Variants in CSMD1 observed in about 807,000 individuals in gnomAD.
CSMD1 encodes the protein CUB and Sushi multiple domains 1, also known as CUB and sushi domain-containing protein 1.
CSMD1 carries 213 observed loss-of-function variants against 417.5 expected under a neutral mutation model. That is an observed-to-expected ratio of 0.51 (90% CI 0.46 to 0.57). CSMD1 has a LOEUF of 0.57. CSMD1 is among the 20% of genes least tolerant of loss of function. The probability of loss-of-function intolerance (pLI) is 0.00; values close to 1 mark genes in which losing one functional copy is unlikely to be tolerated. For synonymous variants in CSMD1, 2,862 were observed against 1,736.8 expected, an observed-to-expected ratio of 1.65 and a Z score of -16.11; for missense variants, 6,923 against 4,529.7, an observed-to-expected ratio of 1.53 and a Z score of -15.17.
intron 6 of CSMD1, among the ~76,000 whole-genome samples, chr8:3,733,692 T>G (rs889208127): frequency 6.6e-6 from 1 of 152,150 alleles, no homozygotes; most frequent in Admixed American, 6.6e-5. Context: ...AGTCACTCAG[T>G]GCCCATCTCA....
chr8:4,843,623 T>C (rs968750649), intron 1 of CSMD1, among the ~76,000 whole-genome samples: 4 of 152,206 alleles, frequency 2.6e-5, no homozygotes, highest in African/African-American at 9.7e-5. Context: ...CTGTTTTCTA[T>C]GGACCTAGGG....
At chr8:4,236,940 A>G (rs891495013) in intron 3 of CSMD1, among the ~76,000 whole-genome samples, 10 of 152,242 alleles carry the variant, frequency 6.6e-5, no homozygotes, top group Admixed American at 5.2e-4. Context: ...AACAAGTTCA[A>G]GTTCAGTTTC....
At chr8:4,749,157 A>G (rs910088239) in intron 1 of CSMD1, among the ~76,000 whole-genome samples, 2 of 152,224 alleles carry the variant, frequency 1.3e-5, no homozygotes, top group African/African-American at 2.4e-5. Context: ...ATAGATTATC[A>G]CAGAAAAGAA....
chr8:4,133,053 A>C (rs574275819), intron 3 of CSMD1, among the ~76,000 whole-genome samples: 1 of 152,158 alleles, frequency 6.6e-6, no homozygotes, highest in Non-Finnish European at 1.5e-5. Flanking sequence ...TTTCTGCCTC[A>C]GCCTCTTGAG....
chr8:3,758,307 G>C (rs945871100), intron 5 of CSMD1, among the ~76,000 whole-genome samples: 2 of 152,312 alleles, frequency 1.3e-5, no homozygotes, highest in East Asian at 1.9e-4. Context: ...GAGGGCTTTA[G>C]ACCAATTATA....
intron 1 of CSMD1, among the ~76,000 whole-genome samples, chr8:4,718,017 C>A (rs971295090): frequency 2.6e-5 from 4 of 152,096 alleles, no homozygotes; most frequent in African/African-American, 9.7e-5. Context: ...TTGCTCTGTA[C>A]CCCAGGCTGG....
chr8:3,139,340 G>C (rs1445010563), intron 41 of CSMD1, among the ~76,000 whole-genome samples: 1 of 152,110 alleles, frequency 6.6e-6, no homozygotes, highest in East Asian at 1.9e-4. Context: ...AAGTGGTCAA[G>C]GAAGCAAAGA....
intron 7 of CSMD1, among the ~76,000 whole-genome samples, chr8:3,677,237 C>G (rs777874299): frequency 1.3e-5 from 2 of 152,022 alleles, no homozygotes; most frequent in Non-Finnish European, 2.9e-5. Flanking sequence ...CTTAAAAGTC[C>G]AAGATTAATA....
At chr8:3,723,769 G>C (rs1461530269) in intron 6 of CSMD1, among the ~76,000 whole-genome samples, 1 of 152,148 alleles carries the variant, frequency 6.6e-6, no homozygotes, top group Non-Finnish European at 1.5e-5. Context: ...ACATTTGAAA[G>C]AGATGCATAA....
chr8:4,592,566 T>C (rs546415227), intron 2 of CSMD1, among the ~76,000 whole-genome samples: 4 of 152,134 alleles, frequency 2.6e-5, no homozygotes, highest in African/African-American at 7.2e-5. Context: ...TTTGTATTTT[T>C]AGTAGAGACA....
intron 3 of CSMD1, among the ~76,000 whole-genome samples, chr8:4,402,880 C>T (rs1197693506): frequency 3.0e-5 from 4 of 134,920 alleles, no homozygotes; most frequent in Admixed American, 8.6e-5. Context: ...AGTGCAGCGG[C>T]GCAATCTGGG....
intron 8 of CSMD1, among the ~76,000 whole-genome samples, chr8:3,609,367 C>G (rs1488661896): frequency 6.6e-6 from 1 of 152,192 alleles, no homozygotes; most frequent in African/African-American, 2.4e-5. Context: ...GTGATGAATA[C>G]ACTTTGTCTT....
chr8:3,091,752 T>C (rs756520023), intron 47 of CSMD1, 90 bp from the exon 48 acceptor site: 117 of 1,119,294 alleles, frequency 1.0e-4, no homozygotes, highest in Middle Eastern at 9.7e-4. Context: ...CACTGGAGTC[T>C]ACGTGTGCAA....
At chr8:3,825,015 G>C (rs1427409324) in intron 5 of CSMD1, among the ~76,000 whole-genome samples, 1 of 152,154 alleles carries the variant, frequency 6.6e-6, no homozygotes, top group Non-Finnish European at 1.5e-5. Context: ...AAATGTGGCA[G>C]GAAATGCTAG....
chr8:3,054,012 C>A (rs565143599), intron 49 of CSMD1, among the ~76,000 whole-genome samples: 2 of 152,252 alleles, frequency 1.3e-5, no homozygotes, highest in Non-Finnish European at 2.9e-5. Context: ...ACACATAATT[C>A]TACATATAAA....
At chr8:4,714,521 A>G (rs1447267734) in intron 1 of CSMD1, among the ~76,000 whole-genome samples, 2 of 152,196 alleles carry the variant, frequency 1.3e-5, no homozygotes, top group African/African-American at 2.4e-5. Context: ...ATTTTGCCCA[A>G]TTGAACATAA....
At chr8:4,788,281 T>C (rs1437899390) in intron 1 of CSMD1, 9 of 1,589,974 alleles carry the variant, frequency 5.7e-6, no homozygotes, top group East Asian at 2.2e-5. Context: ...ATTCCTACTG[T>C]ATTTGTGGCA....
At chr8:3,674,037 C>T (rs1366099397) in intron 7 of CSMD1, among the ~76,000 whole-genome samples, 2 of 152,098 alleles carry the variant, frequency 1.3e-5, no homozygotes, top group African/African-American at 2.4e-5. Flanking sequence ...GCCTGGGAGG[C>T]AGAGGTTGCA....
chr8:3,806,820 T>A (rs1249773237), intron 5 of CSMD1, among the ~76,000 whole-genome samples: 1 of 152,200 alleles, frequency 6.6e-6, no homozygotes, highest in Non-Finnish European at 1.5e-5. Context: ...CAGAACTACC[T>A]TTTCTAACCA....
Sources: allele counts gnomAD v4.1 joint callset (sites outside exome capture counted in the v4.1 genomes callset), GRCh38; gene constraint gnomAD v4.1.1; transcripts MANE v1.5; gene names NCBI Gene and HGNC (gene_info 2026-07-23, HGNC 2026-07-21).